The following MATN2 variants were observed in gnomAD, a reference collection of about 807,000 sequenced individuals.
MATN2 encodes the protein matrilin 2, also known as matrilin-2.
Under a neutral mutation model 103.2 loss-of-function variants are expected in MATN2, and 69 were observed. The observed-to-expected ratio is 0.67, with a 90% CI of 0.55 to 0.82. The LOEUF is 0.82. MATN2 is among the 40% of genes least tolerant of loss of function. The pLI is 0.00. For synonymous variants in MATN2, 429 were observed against 450.2 expected (o/e 0.95, Z 0.60); for missense variants, 1,023 against 1,211.5 (o/e 0.84, Z 2.31).
chr8:97,927,535 T>G (rs550096744), intron 2 of MATN2, among the ~76,000 whole-genome samples: 2 of 152,164 alleles, frequency 1.3e-5, no homozygotes, highest in Non-Finnish European at 2.9e-5. Context: ...GAACTAGCCC[T>G]TTCAGGGACA....
chr8:97,984,409 G>C (rs1367737180), intron 6 of MATN2, among the ~76,000 whole-genome samples: 2 of 152,190 alleles, frequency 1.3e-5, no homozygotes, highest in Non-Finnish European at 2.9e-5. Context: ...GACTAGCCAG[G>C]CATGGAAAAT....
At chr8:97,880,508 A>G (rs1818218843) in intron 1 of MATN2, among the ~76,000 whole-genome samples, 2 of 152,174 alleles carry the variant, frequency 1.3e-5, no homozygotes, top group African/African-American at 4.8e-5. Flanking sequence ...CAAGTCATAA[A>G]ACATGTTTTT....
At chr8:97,945,860 C>G (rs1324451833) in intron 4 of MATN2, among the ~76,000 whole-genome samples, 1 of 151,960 alleles carries the variant, frequency 6.6e-6, no homozygotes, top group African/African-American at 2.4e-5. Flanking sequence ...TCTTATGGAA[C>G]TTCAGAATTC....
At chr8:98,016,723 C>T in intron 11 of MATN2, 61 bp downstream of exon 11, 1 of 1,574,382 alleles carries the variant, frequency 6.4e-7, no homozygotes, top group African/African-American at 1.3e-5. Context: ...AAATCGCTAT[C>T]CTTATCTCTG....
At chr8:97,941,727 G>A (rs1406311006) in intron 3 of MATN2, 50 bp from the exon 4 acceptor site, 1 of 1,542,170 alleles carries the variant, frequency 6.5e-7, no homozygotes, top group Non-Finnish European at 8.8e-7. Flanking sequence ...CTGGAATGGA[G>A]TGAGAAAGGG....
intron 7 of MATN2, among the ~76,000 whole-genome samples, 184 bp downstream of exon 7, chr8:97,994,786 T>C (rs981303869): frequency 1.3e-5 from 2 of 152,184 alleles, no homozygotes; most frequent in South Asian, 4.1e-4. Context: ...TTTTTAAATA[T>C]TGAATAGGTC....
intron 11 of MATN2, 68 bp from the exon 12 acceptor site, chr8:98,017,926 C>T: frequency 1.3e-6 from 2 of 1,579,042 alleles, no homozygotes; most frequent in Non-Finnish European, 1.7e-6. Flanking sequence ...GTGGATGGGT[C>T]CTCCAAGGTG....
chr8:98,020,258 A>G (rs958595984), intron 12 of MATN2, among the ~76,000 whole-genome samples: 3 of 151,886 alleles, frequency 2.0e-5, no homozygotes, highest in African/African-American at 7.3e-5. Flanking sequence ...CGATCTTCCC[A>G]CCTCAGCCTC....
At chr8:97,986,682 T>C (rs1812206517) in intron 6 of MATN2, among the ~76,000 whole-genome samples, 2 of 152,274 alleles carry the variant, frequency 1.3e-5, no homozygotes, top group South Asian at 4.1e-4. Flanking sequence ...CACTTGTTGA[T>C]TGATAGGCAT....
chr8:97,906,682 C>A (rs1016845830), intron 2 of MATN2, among the ~76,000 whole-genome samples: 1 of 152,222 alleles, frequency 6.6e-6, no homozygotes, highest in African/African-American at 2.4e-5. Flanking sequence ...CTACAAACAT[C>A]CACTGAATGC....
Position 98,007,369 on chromosome 8 carries a change from G to T in MATN2, c.1451-110G>T. 2 of 1,551,860 alleles carry T rather than the reference G, an allele frequency of 1.3e-6. No individual in the cohort carries two copies. The highest frequency in any genetic ancestry group is 1.8e-6 in the Non-Finnish European group (2 of 1,137,206). On this transcript the variant is annotated intron_variant, in intron 9 of 18. Coordinates refer to ENST00000254898, the MANE Select transcript of MATN2 (RefSeq NM_002380.5). The surrounding 1 kb of genome is among the most constrained non-coding windows in gnomAD (Gnocchi z 4.2). ...CAGGAGATAGTGAGGATGTCCACTG[G>T]GACTGCATGCCTTCGAGGGAGGGCG...
chr8:97,910,018 C>T (rs1213347247), intron 2 of MATN2, among the ~76,000 whole-genome samples: 5 of 150,544 alleles, frequency 3.3e-5, no homozygotes, highest in Admixed American at 6.6e-5. Context: ...CTCCTGACCT[C>T]GTGATCCGCT....
In MATN2 at chr8:97,882,685, C is replaced by T. The variant is rs139962501; in HGVS notation, c.-26-5390C>T. Among the ~76,000 whole-genome samples, 709 of 152,288 alleles carry T rather than the reference C, an allele frequency of 4.7e-3. 7 individuals are homozygous for T. The highest frequency in any genetic ancestry group is 0.016 in the African/African-American group (678 of 41,560). On this transcript the variant is annotated intron_variant, in intron 1 of 18. Transcript: ENST00000254898. Reference sequence around the variant, plus strand: ...TTCTGGGATTCCGAGTATGCACCACCGTGCCGAGCCAAGGTTCCAGTTTCT... The same window carrying T: ...TTCTGGGATTCCGAGTATGCACCACTGTGCCGAGCCAAGGTTCCAGTTTCT...
At chr8:97,920,194 G>A (rs1255358965) in intron 2 of MATN2, among the ~76,000 whole-genome samples, 5 of 152,116 alleles carry the variant, frequency 3.3e-5, no homozygotes, top group Non-Finnish European at 1.5e-5. Flanking sequence ...TGGATACTGG[G>A]AGTTTATGTA....
chr8:97,883,378 A>G lies in MATN2; in HGVS notation c.-26-4697A>G, dbSNP rs184946108. ...ATTTTCTACTAGTCTGTAACTTGTC[A>G]TGCCATTGCACTTTGTTTGTTTGTT... On this transcript the variant is annotated intron_variant, in intron 1 of 18. Coordinates refer to ENST00000254898, the MANE Select transcript of MATN2 (RefSeq NM_002380.5). Among the ~76,000 whole-genome samples the G allele has an allele frequency of 1.7e-3, 262 of 151,254 alleles. 1 individual carries two copies. The highest frequency in any genetic ancestry group is 5.7e-3 in the African/African-American group (235 of 41,226).
intron 2 of MATN2, among the ~76,000 whole-genome samples, chr8:97,921,483 G>A (rs2513834): frequency 0.32 from 49,403 of 152,104 alleles, 8,838 homozygotes; most frequent in East Asian, 0.73. Flanking sequence ...GGAGAGGGGA[G>A]AATTGATTAT....
intron 2 of MATN2, among the ~76,000 whole-genome samples, chr8:97,918,350 A>G (rs1406979351): frequency 1.3e-5 from 2 of 152,240 alleles, no homozygotes; most frequent in Non-Finnish European, 1.5e-5. Flanking sequence ...TGGTGCCTTC[A>G]GTACAGTGCC....
At chr8:97,895,483 C>T (rs984101446) in intron 2 of MATN2, among the ~76,000 whole-genome samples, 1 of 152,218 alleles carries the variant, frequency 6.6e-6, no homozygotes, top group Non-Finnish European at 1.5e-5. Context: ...TCAAATGCCA[C>T]CTCCTCCCTC....
At chr8:97,971,279 G>C (rs1418668680) in intron 5 of MATN2, among the ~76,000 whole-genome samples, 2 of 152,214 alleles carry the variant, frequency 1.3e-5, no homozygotes. Context: ...ATAAACATCA[G>C]TTCTGTGGGA....
Sources: gnomAD v4.1 joint callset for allele counts (sites outside exome capture counted in the v4.1 genomes callset) on GRCh38, gnomAD v4.1.1 for gene constraint, Gnocchi (gnomAD v3.1) non-coding constraint, MANE v1.5 for transcripts, NCBI Gene and HGNC (gene_info 2026-07-23, HGNC 2026-07-21) for gene names.